DNAH9: variants seen among roughly 807,000 people sequenced by gnomAD.
DNAH9 encodes dynein axonemal heavy chain 9.
DNAH9 carries 345 observed loss-of-function variants against 471.6 expected under a neutral mutation model. The observed-to-expected ratio is 0.73, with a 90% CI of 0.67 to 0.80. The LOEUF (loss-of-function observed/expected upper bound fraction) is 0.80, where lower values mean the gene tolerates loss of function less well. Among genes scored for constraint, DNAH9 ranks in the 30% least tolerant of loss-of-function variants. DNAH9 has a pLI of 0.00. For synonymous variants in DNAH9, 2,093 were observed against 2,123.6 expected, an observed-to-expected ratio of 0.99 and a Z score of 0.40; for missense variants, 5,407 against 5,609.2, an observed-to-expected ratio of 0.96 and a Z score of 1.15.
intron 4 of DNAH9, among the ~76,000 whole-genome samples, chr17:11,615,618 GCTCT>G (rs757134656): frequency 4.0e-5 from 6 of 149,114 alleles, no homozygotes; most frequent in East Asian, 3.9e-4. Flanking sequence ...TATGAGCCCA[GCTCT>G]CTCTCTCTCT....
chr17:11,950,891 GCAC>G (rs2151440255), intron 67 of DNAH9, among the ~76,000 whole-genome samples: 1 of 152,182 alleles, frequency 6.6e-6, no homozygotes, highest in East Asian at 1.9e-4. Flanking sequence ...AGTCCTCAAA[GCAC>G]ATCCCAAACG....
intron 25 of DNAH9, 131 bp from the exon 26 acceptor site, chr17:11,704,894 G>A (rs900766470): frequency 2.6e-5 from 20 of 755,978 alleles, no homozygotes; most frequent in South Asian, 2.2e-4. Context: ...TTTCTATGCT[G>A]TGGTGGCCAC....
chr17:11,804,852 C>A (rs1319826631), intron 43 of DNAH9, among the ~76,000 whole-genome samples: 2 of 148,684 alleles, frequency 1.3e-5, no homozygotes, highest in East Asian at 4.0e-4. Context: ...CCAGCCTGGA[C>A]GACAGAGCGA....
At chr17:11,732,762 G>A (rs2075289635) in intron 28 of DNAH9, among the ~76,000 whole-genome samples, 1 of 152,126 alleles carries the variant, frequency 6.6e-6, no homozygotes, top group African/African-American at 2.4e-5. Context: ...TGCGCCCGGG[G>A]ACATGTGCCA....
rs149812805 is a variant in DNAH9 at position 11,942,424 on chromosome 17, G to A, written c.12782G>A (p.Arg4261Gln). 111 of 1,614,174 alleles carry A rather than the reference G, an allele frequency of 6.9e-5. No homozygotes were observed. In the African/African-American group the frequency reaches 9.9e-4, roughly 14 times the overall value. Residue 4261 changes from arginine to glutamine, a missense_variant, in exon 67 of 69, where the codon CGG (arginine) becomes CAG (glutamine). This residue lies in a region of DNAH9 where 4,636 missense variants were observed against 4,900.3 expected (regional missense o/e 0.95). Coordinates refer to ENST00000262442, the MANE Select transcript of DNAH9 (RefSeq NM_001372.4). Reference sequence around the variant, plus strand: ...GTAGTTGCCTTCCAGGAGTGTGGCCGGATGAATATCCTCACCAGAGAGATT... The same window carrying A: ...GTAGTTGCCTTCCAGGAGTGTGGCCAGATGAATATCCTCACCAGAGAGATT... ...YIVVAFQECGRMNILTREIQR... is the reference protein window; with the variant it reads ...YIVVAFQECGQMNILTREIQR...
At position 11,705,015 on chromosome 17, in the gene DNAH9, C is replaced by T. The variant is rs147224488; in HGVS notation, c.5392-10C>T. ...TGATTCACCCACCTACTCTACCACTCTCTCTTTAGGTAGACAATGCCCAGG... is the reference window on the plus strand; with the variant it reads ...TGATTCACCCACCTACTCTACCACTTTCTCTTTAGGTAGACAATGCCCAGG... On this transcript the variant is annotated splice_polypyrimidine_tract_variant and intron_variant, in intron 25 of 68. Transcript: ENST00000262442. 1.1e-4 allele frequency: 171 copies of T among 1,612,810 alleles called. No individual in the cohort carries two copies. In the African/African-American group the frequency reaches 1.7e-3, roughly 16 times the overall value.
At chr17:11,739,096 CA>C in intron 29 of DNAH9, 59 bp downstream of exon 29, 1 of 1,473,512 alleles carries the variant, frequency 6.8e-7, no homozygotes, top group South Asian at 1.3e-5. Context: ...TTCATTTTTC[CA>C]CTTAAAATGT....
chr17:11,681,833 G>A (rs764386099), intron 19 of DNAH9, among the ~76,000 whole-genome samples: 6 of 152,176 alleles, frequency 3.9e-5, no homozygotes, highest in Non-Finnish European at 7.3e-5. Flanking sequence ...TAAGTGCACA[G>A]ATGCTAGATT....
intron 44 of DNAH9, 29 bp downstream of exon 44, chr17:11,807,923 G>T: frequency 6.3e-7 from 1 of 1,579,852 alleles, no homozygotes; most frequent in East Asian, 2.3e-5. Context: ...GCAGGGAGGA[G>T]GCTCAGCTTC....
chr17:11,706,213 C>G (rs1279045684), intron 26 of DNAH9, among the ~76,000 whole-genome samples: 2 of 152,126 alleles, frequency 1.3e-5, no homozygotes, highest in African/African-American at 2.4e-5. Context: ...GATCAATTAA[C>G]TGGCACATTT....
At chr17:11,887,575 C>T (rs548368968) in intron 57 of DNAH9, among the ~76,000 whole-genome samples, 40 of 152,276 alleles carry the variant, frequency 2.6e-4, no homozygotes, top group African/African-American at 9.4e-4. Context: ...CTAGGGCATT[C>T]ACCAAAAGAC....
intron 33 of DNAH9, among the ~76,000 whole-genome samples, chr17:11,753,436 G>A (rs549086757): frequency 3.9e-5 from 6 of 152,226 alleles, no homozygotes; most frequent in South Asian, 2.1e-4. Context: ...AGGCCAAGGC[G>A]GGCAGATCAC....
At chr17:11,713,495 T>C (rs1424903485) in intron 26 of DNAH9, among the ~76,000 whole-genome samples, 3 of 152,168 alleles carry the variant, frequency 2.0e-5, no homozygotes, top group Non-Finnish European at 4.4e-5. Flanking sequence ...TCCACAATGT[T>C]TGAGCTAATT....
intron 1 of DNAH9, among the ~76,000 whole-genome samples, chr17:11,601,558 A>G (rs2072388267): frequency 6.6e-6 from 1 of 152,240 alleles, no homozygotes; most frequent in African/African-American, 2.4e-5. Context: ...TTTTAAAAAT[A>G]ACTCAAGTCC....
intron 48 of DNAH9, among the ~76,000 whole-genome samples, chr17:11,827,324 C>G (rs1438779099): frequency 6.6e-6 from 1 of 152,314 alleles, no homozygotes; most frequent in Middle Eastern, 3.4e-3. Context: ...GCTGGCGGTA[C>G]AGGAAGCATT....
intron 15 of DNAH9, among the ~76,000 whole-genome samples, chr17:11,665,485 T>C (rs1434037259): frequency 3.9e-5 from 6 of 152,196 alleles, no homozygotes; most frequent in Non-Finnish European, 7.3e-5. Flanking sequence ...GGAGGTAATT[T>C]TCAGAAGAAA....
At chr17:11,629,327 C>A in intron 6 of DNAH9, 90 bp from the exon 7 acceptor site, 2 of 1,026,280 alleles carry the variant, frequency 1.9e-6, no homozygotes, top group Non-Finnish European at 2.9e-6. Context: ...CAATTCCCAC[C>A]TATGAGTGAG....
intron 35 of DNAH9, among the ~76,000 whole-genome samples, chr17:11,762,758 G>GTTTTTTTTGTTGTTGTT (rs1967733702): frequency 1.1e-5 from 1 of 94,790 alleles, no homozygotes; most frequent in Non-Finnish European, 2.1e-5. Flanking sequence ...CTTTAGGTGC[G>GTTTTTTTTGTTGTTGTT]TTTTTTTTTT....
In DNAH9 at chr17:11,886,971, T is replaced by C; in HGVS notation, c.11112+6T>C. 1 of 1,607,190 alleles carries C rather than the reference T, an allele frequency of 6.2e-7. No individual in the cohort carries two copies. Reference sequence around the variant, plus strand: ...TGTACCAGTTTTCTCTCAAGGTGACTTACACCTGGAGTTTCTTGCCTGATT... The same window carrying C: ...TGTACCAGTTTTCTCTCAAGGTGACCTACACCTGGAGTTTCTTGCCTGATT... On this transcript the variant is annotated splice_donor_region_variant and intron_variant, in intron 57 of 68. Coordinates refer to ENST00000262442, the MANE Select transcript of DNAH9 (RefSeq NM_001372.4).
Sources: gnomAD v4.1 joint callset for allele counts (sites outside exome capture counted in the v4.1 genomes callset) on GRCh38, gnomAD v4.1.1 for gene constraint, gnomAD v4.1.1 regional missense constraint, MANE v1.5 for transcripts, NCBI Gene and HGNC (gene_info 2026-07-23, HGNC 2026-07-21) for gene names.